Variants in PCNX2 observed in about 807,000 individuals in gnomAD.
The protein encoded by PCNX2 is pecanex-like protein 2.
PCNX2 carries 168 observed loss-of-function variants against 223.8 expected under a neutral mutation model. The observed-to-expected ratio is 0.75, with a 90% CI of 0.66 to 0.85. The LOEUF is 0.85. Ranked by LOEUF, PCNX2 falls within the 40% of genes least tolerant of loss-of-function variation. The pLI, the probability that PCNX2 is intolerant of heterozygous loss-of-function variation, is 0.00. For synonymous variants in PCNX2, 1,006 were observed against 1,052.6 expected, an observed-to-expected ratio of 0.96 and a Z score of 0.86; for missense variants, 2,507 against 2,675.5, an observed-to-expected ratio of 0.94 and a Z score of 1.39.
Position 233,000,316 on chromosome 1 carries a change from T to C in PCNX2, c.5317A>G (p.Lys1773Glu). 1 of 1,613,930 alleles carries C rather than the reference T, an allele frequency of 6.2e-7. No homozygotes were observed. ...TGTGGCCGCCATACCTTGATCACCT[T>C]GAAGCTCAGGAAGCTTCTGTGGAGC... ...IMLHRSFLSF[K>E]VIKVNKECVR... is the part of the protein sequence containing the mutation. Residue 1773 changes from lysine to glutamate, a missense_variant, in exon 30 of 34, where the codon AAG becomes GAG. Lys to Glu is a moderately conservative substitution (Grantham distance 56). Transcript: ENST00000258229. This position sits in a 1 kb window ranked among gnomAD's most constrained non-coding sequence, Gnocchi z 4.6.
intron 8 of PCNX2, among the ~76,000 whole-genome samples, chr1:233,249,452 T>G (rs562163321): frequency 6.6e-6 from 1 of 152,318 alleles, no homozygotes; most frequent in East Asian, 1.9e-4. Flanking sequence ...CATCAAACCA[T>G]CATAACGTCT....
chr1:233,294,710 T>C (rs1661967557), intron 1 of PCNX2, among the ~76,000 whole-genome samples: 1 of 152,200 alleles, frequency 6.6e-6, no homozygotes, highest in African/African-American at 2.4e-5. Context: ...TCACTTACCA[T>C]AACCCCACTA....
chr1:233,225,109 G>GT (rs34054702), intron 10 of PCNX2, among the ~76,000 whole-genome samples: 30,545 of 58,814 alleles, frequency 0.52, 5,268 homozygotes, highest in Non-Finnish European at 0.57. Context: ...CAGAACTAAA[G>GT]TAAAAAAAAA....
chr1:233,273,780 C>A (rs867276076), intron 1 of PCNX2, among the ~76,000 whole-genome samples: 2 of 152,016 alleles, frequency 1.3e-5, no homozygotes, highest in Non-Finnish European at 1.5e-5. Flanking sequence ...CCTGCCACTA[C>A]GCCCAGCTAA....
chr1:233,082,520 A>C (rs1432573607), intron 23 of PCNX2, among the ~76,000 whole-genome samples: 1 of 152,254 alleles, frequency 6.6e-6, no homozygotes, highest in African/African-American at 2.4e-5. Context: ...AAACGTATCC[A>C]AATAAATTAT....
intron 23 of PCNX2, among the ~76,000 whole-genome samples, chr1:233,080,285 A>G (rs1673294363): frequency 6.6e-6 from 1 of 151,804 alleles, no homozygotes; most frequent in Non-Finnish European, 1.5e-5. Context: ...CCATATTCCT[A>G]CTTGGGCCAT....
the PCNX2 span, among the ~76,000 whole-genome samples, chr1:233,314,743 T>TA: frequency 0.013 from 1,839 of 146,846 alleles, 23 homozygotes; most frequent in East Asian, 0.073. Context: ...GGCTTTTATT[T>TA]AAAAAAAAAA....
chr1:233,038,585 G>A (rs1671537298), intron 25 of PCNX2, among the ~76,000 whole-genome samples: 1 of 152,182 alleles, frequency 6.6e-6, no homozygotes, highest in Non-Finnish European at 1.5e-5. Flanking sequence ...CAGGGATTCT[G>A]AATGGAGAAC....
chr1:233,014,767 G>A lies in PCNX2; in HGVS notation c.4850C>T (p.Thr1617Ile). ...CARKRQEPST[T>I]LDSDEDSPLV... is the part of the protein sequence containing the mutation. ...GGGAGAGTCCTCGTCACTGTCCAGG[G>A]TCGTTGAAGGCTGAAAGAGCAAGAA... Residue 1617 changes from threonine (T) to isoleucine (I), a missense_variant, in exon 28 of 34, where the codon ACC becomes ATC. Transcript: ENST00000258229. 1 of 1,613,718 alleles carries A rather than the reference G, an allele frequency of 6.2e-7. No homozygotes were observed. The highest frequency in any genetic ancestry group is 8.5e-7 in the Non-Finnish European group (1 of 1,179,748).
chr1:233,268,487 T>C (rs940532618), intron 1 of PCNX2, among the ~76,000 whole-genome samples: 2 of 152,190 alleles, frequency 1.3e-5, no homozygotes, highest in Admixed American at 1.3e-4. Flanking sequence ...GGGTACTTTA[T>C]CACTCGGCTT....
intron 8 of PCNX2, among the ~76,000 whole-genome samples, chr1:233,248,397 A>G (rs1170089394): frequency 6.6e-6 from 1 of 152,082 alleles, no homozygotes; most frequent in Non-Finnish European, 1.5e-5. Flanking sequence ...ATCAGACACA[A>G]TGAGACCTTC....
At chr1:233,309,798 G>A in the PCNX2 span, among the ~76,000 whole-genome samples, 1 of 151,400 alleles carries the variant, frequency 6.6e-6, no homozygotes, top group Admixed American at 6.6e-5. Flanking sequence ...GAATTGCTTG[G>A]GTCTGGGAGG....
chr1:233,211,541 T>G (rs1388799894), intron 12 of PCNX2, among the ~76,000 whole-genome samples: 1 of 152,166 alleles, frequency 6.6e-6, no homozygotes, highest in Non-Finnish European at 1.5e-5. Context: ...AGTGTATTCA[T>G]GTAGCGAACC....
At position 233,025,202 on chromosome 1, in the gene PCNX2, C is replaced by T. The variant is rs1424170542; in HGVS notation, c.4549G>A (p.Ala1517Thr). 1.2e-6 allele frequency: 2 copies of T among 1,614,004 alleles called. No homozygotes were observed. The highest frequency in any genetic ancestry group is 1.7e-6 in the Non-Finnish European group (2 of 1,179,898). The part of the protein sequence containing the change: ...EGYSILDNNA[A>T]TMLQVFDLRR... ...AGGTCAAACACCTGCAGCATGGTGGCCGCGTTGTTGTCCAGGATGCTGTAG... is the reference window on the plus strand; with the variant it reads ...AGGTCAAACACCTGCAGCATGGTGGTCGCGTTGTTGTCCAGGATGCTGTAG... The change falls in exon 26 of 34, where the codon GCC becomes ACC. Residue 1517 changes from alanine to threonine, a missense_variant. Physicochemically the swap from Ala to Thr is moderately conservative, Grantham distance 58 (BLOSUM62 0). This residue lies in a region of PCNX2 where 1,372 missense variants were observed against 1,509.4 expected (regional missense o/e 0.91). Coordinates refer to ENST00000258229, the MANE Select transcript of PCNX2 (RefSeq NM_014801.4).
intron 15 of PCNX2, among the ~76,000 whole-genome samples, chr1:233,198,433 T>C (rs752719881): frequency 1.1e-4 from 16 of 152,218 alleles, no homozygotes; most frequent in Admixed American, 9.2e-4. Context: ...GTTTATCTTG[T>C]TTTCTCATCA....
At chr1:233,082,521 A>G (rs1673408690) in intron 23 of PCNX2, among the ~76,000 whole-genome samples, 1 of 152,222 alleles carries the variant, frequency 6.6e-6, no homozygotes, top group African/African-American at 2.4e-5. Flanking sequence ...AACGTATCCA[A>G]ATAAATTATG....
intron 21 of PCNX2, among the ~76,000 whole-genome samples, chr1:233,121,389 A>G (rs768178408): frequency 2.0e-5 from 3 of 152,230 alleles, no homozygotes; most frequent in Non-Finnish European, 4.4e-5. Context: ...TAGCCAACAC[A>G]ATACTGAAGA....
intron 32 of PCNX2, among the ~76,000 whole-genome samples, chr1:232,995,549 C>T (rs1669846076): frequency 6.6e-6 from 1 of 152,042 alleles, no homozygotes; most frequent in Non-Finnish European, 1.5e-5. Flanking sequence ...GAAGCAGTAA[C>T]CTCTGAGAAT....
At chr1:233,298,010 T>C (rs1170521141), upstream of PCNX2, among the ~76,000 whole-genome samples, 1 of 152,200 alleles carries the variant, frequency 6.6e-6, no homozygotes, top group African/African-American at 2.4e-5. Flanking sequence ...CAGTGAAAGA[T>C]GACTACACTG....
Sources: allele counts gnomAD v4.1 joint callset (sites outside exome capture counted in the v4.1 genomes callset), GRCh38; gene constraint gnomAD v4.1.1; regional missense constraint gnomAD v4.1.1; non-coding constraint Gnocchi (gnomAD v3.1); transcripts MANE v1.5; gene names NCBI Gene and HGNC (gene_info 2026-07-23, HGNC 2026-07-21).